The following ZNG1A variants were observed in gnomAD, a reference collection of about 807,000 sequenced individuals.
The protein encoded by ZNG1A is zinc-regulated GTPase metalloprotein activator 1A.
At chr9:169,250 G>A in the ZNG1A span, among the ~76,000 whole-genome samples, 1 of 151,316 alleles carries the variant, frequency 6.6e-6, no homozygotes, top group Non-Finnish European at 1.5e-5. Context: ...AGACTTCAAT[G>A]GAGGAAATAA....
the ZNG1A span, among the ~76,000 whole-genome samples, chr9:138,855 G>A: frequency 6.6e-3 from 980 of 148,566 alleles, 4 homozygotes; most frequent in Middle Eastern, 0.01. Context: ...AGTAAGCCAT[G>A]TTTGTGCCAC....
the ZNG1A span, chr9:167,080 A>T: frequency 2.7e-5 from 4 of 149,342 alleles, no homozygotes; most frequent in Non-Finnish European, 6.0e-5. Context: ...AAAGAAGAAA[A>T]CTCTCAGGCA....
chr9:175,288 G>C, the ZNG1A span, among the ~76,000 whole-genome samples: 1 of 151,724 alleles, frequency 6.6e-6, no homozygotes, highest in South Asian at 2.1e-4. Context: ...TGAGGCAGGA[G>C]AATCACTTTA....
chr9:161,640 T>C, the ZNG1A span: 1 of 1,284,384 alleles, frequency 7.8e-7, no homozygotes, highest in South Asian at 1.2e-5. Flanking sequence ...TTTTCTGCCT[T>C]TAGTGGTATT....
the ZNG1A span, among the ~76,000 whole-genome samples, chr9:131,838 C>G: frequency 6.7e-6 from 1 of 149,294 alleles, no homozygotes; most frequent in African/African-American, 2.6e-5. Context: ...ACATAACACT[C>G]CTAGACAGCA....
chr9:166,919 G>C, the ZNG1A span: 1 of 152,102 alleles, frequency 6.6e-6, no homozygotes, highest in Non-Finnish European at 1.5e-5. Context: ...TCATGAAGTA[G>C]AGGATCTAAT....
At chr9:145,508 T>C in the ZNG1A span, among the ~76,000 whole-genome samples, 1 of 126,738 alleles carries the variant, frequency 7.9e-6, no homozygotes, top group Non-Finnish European at 1.6e-5. Flanking sequence ...TGAGAACACA[T>C]GGACACAGGA....
chr9:135,769 A>G, the ZNG1A span, among the ~76,000 whole-genome samples: 1 of 117,032 alleles, frequency 8.5e-6, no homozygotes, highest in East Asian at 3.4e-4. Context: ...GGAAAGAGAA[A>G]GAACTTGTAG....
chr9:178,366 G>T, the ZNG1A span, among the ~76,000 whole-genome samples: 1 of 151,892 alleles, frequency 6.6e-6, no homozygotes, highest in African/African-American at 2.4e-5. Flanking sequence ...CGTGGGGAAG[G>T]GGAATCTACT....
the ZNG1A span, among the ~76,000 whole-genome samples, chr9:144,525 C>T: frequency 6.6e-6 from 1 of 152,078 alleles, no homozygotes; most frequent in Non-Finnish European, 1.5e-5. Flanking sequence ...CCCTTCCTTA[C>T]ACCTTATACA....
At chr9:154,847 T>G in the ZNG1A span, 3 of 1,386,512 alleles carry the variant, frequency 2.2e-6, no homozygotes, top group East Asian at 2.3e-5. Context: ...TATACACGCA[T>G]GCAGATTAAT....
At chr9:175,172 G>A in the ZNG1A span, among the ~76,000 whole-genome samples, 126 of 152,288 alleles carry the variant, frequency 8.3e-4, no homozygotes, top group African/African-American at 2.9e-3. Flanking sequence ...AAGGCCAGGA[G>A]CTCAAGACCA....
the ZNG1A span, chr9:154,387 G>C: frequency 2.2e-6 from 1 of 451,432 alleles, no homozygotes; most frequent in East Asian, 3.4e-5. Flanking sequence ...CCATGGGAAA[G>C]TGAATTAACC....
the ZNG1A span, among the ~76,000 whole-genome samples, chr9:124,191 C>T: frequency 9.3e-5 from 14 of 150,922 alleles, no homozygotes; most frequent in South Asian, 2.3e-3. Context: ...GAAACAGAAG[C>T]TTAACATTTC....
At chr9:156,154 C>CATATATATATAT in the ZNG1A span, among the ~76,000 whole-genome samples, 225 of 133,898 alleles carry the variant, frequency 1.7e-3, no homozygotes, top group African/African-American at 5.6e-3. Context: ...TATTATTATA[C>CATATATATATAT]ATATATATAT....
At chr9:169,880 T>A in the ZNG1A span, among the ~76,000 whole-genome samples, 75 of 71,244 alleles carry the variant, frequency 1.1e-3, no homozygotes, top group African/African-American at 2.6e-3. Context: ...TTTTTTTTTT[T>A]AAGAAATGGG....
At chr9:150,311 A>C in the ZNG1A span, 1 of 323,222 alleles carries the variant, frequency 3.1e-6, no homozygotes, top group Non-Finnish European at 4.4e-6. Flanking sequence ...TATTTTCAGT[A>C]GAGACGGGGT....
At chr9:127,022 T>G in the ZNG1A span, among the ~76,000 whole-genome samples, 1 of 152,174 alleles carries the variant, frequency 6.6e-6, no homozygotes, top group East Asian at 1.9e-4. Context: ...TCCAGTTTTA[T>G]TCCACTGTGG....
At chr9:143,238 C>A in the ZNG1A span, among the ~76,000 whole-genome samples, 1 of 147,832 alleles carries the variant, frequency 6.8e-6, no homozygotes, top group Non-Finnish European at 1.5e-5. Flanking sequence ...AGAGACACAA[C>A]CAAAAAAGAG....
Sources: gnomAD v4.1 joint callset for allele counts (sites outside exome capture counted in the v4.1 genomes callset) on GRCh38, gnomAD v4.1.1 for gene constraint, MANE v1.5 for transcripts, NCBI Gene and HGNC (gene_info 2026-07-23, HGNC 2026-07-21) for gene names.